The following NLGN1 variants were observed in gnomAD, a reference collection of about 807,000 sequenced individuals.
The protein encoded by NLGN1 is neuroligin 1, also known as neuroligin-1.
NLGN1 carries 12 observed loss-of-function variants against 65.5 expected under a neutral mutation model. The ratio of observed to expected loss-of-function variants is 0.18; its 90% CI spans 0.12 to 0.30. NLGN1 has a LOEUF of 0.30. Ranked by LOEUF, NLGN1 falls within the 10% of genes least tolerant of loss-of-function variation. The pLI, the probability that NLGN1 is intolerant of heterozygous loss-of-function variation, is 1.00. For synonymous variants in NLGN1, 350 were observed against 359.5 expected, an observed-to-expected ratio of 0.97 and a Z score of 0.30; for missense variants, 750 against 1,007.1, an observed-to-expected ratio of 0.74 and a Z score of 3.46.
At chr3:173,783,349 A>G (rs1227459517) in intron 3 of NLGN1, among the ~76,000 whole-genome samples, 2 of 152,220 alleles carry the variant, frequency 1.3e-5, no homozygotes, top group Non-Finnish European at 2.9e-5. Context: ...TTTTTGTAGC[A>G]GATACGCTAC....
At chr3:174,277,777 A>G (rs1750861081) in intron 5 of NLGN1, among the ~76,000 whole-genome samples, 1 of 151,922 alleles carries the variant, frequency 6.6e-6, no homozygotes, top group Non-Finnish European at 1.5e-5. Flanking sequence ...AGAAAAATCT[A>G]AAACTTTCCT....
At chr3:174,044,257 T>C (rs1037474829) in intron 4 of NLGN1, among the ~76,000 whole-genome samples, 1 of 152,182 alleles carries the variant, frequency 6.6e-6, no homozygotes, top group African/African-American at 2.4e-5. Context: ...CCCGGAGACA[T>C]TTTAACCATG....
intron 4 of NLGN1, among the ~76,000 whole-genome samples, chr3:174,094,092 C>A (rs1745013076): frequency 6.6e-6 from 1 of 152,026 alleles, no homozygotes; most frequent in East Asian, 1.9e-4. Context: ...ATAGTATAGA[C>A]TAGATTTAAA....
chr3:174,283,991 A>G (rs925465889), exon 7 of NLGN1: 5 of 151,510 alleles, frequency 3.3e-5, no homozygotes, highest in African/African-American at 1.2e-4. Context: ...ATTAAATAGT[A>G]TGTTTTAACG....
At chr3:174,055,663 C>T (rs1342072192) in intron 4 of NLGN1, among the ~76,000 whole-genome samples, 1 of 152,042 alleles carries the variant, frequency 6.6e-6, no homozygotes, top group Non-Finnish European at 1.5e-5. Flanking sequence ...GGCCCTGCTA[C>T]TGAAGCATAA....
chr3:173,705,212 C>T (rs1767874573), intron 3 of NLGN1, among the ~76,000 whole-genome samples: 1 of 151,870 alleles, frequency 6.6e-6, no homozygotes, highest in Non-Finnish European at 1.5e-5. Flanking sequence ...CATCCTGTGG[C>T]AAACCTGAAG....
intron 2 of NLGN1, among the ~76,000 whole-genome samples, chr3:173,489,893 G>A (rs1728818356): frequency 6.6e-6 from 1 of 152,128 alleles, no homozygotes; most frequent in African/African-American, 2.4e-5. Context: ...CTTTTGAGAA[G>A]TGTCTGTTCA....
intron 4 of NLGN1, among the ~76,000 whole-genome samples, chr3:173,936,665 T>A (rs1439519989): frequency 1.3e-5 from 2 of 152,086 alleles, no homozygotes; most frequent in African/African-American, 4.8e-5. Flanking sequence ...TTAATTACTG[T>A]ATTGATTCTA....
In NLGN1 at chr3:173,470,031, C is replaced by T. The variant is rs374331154; in HGVS notation, c.-321+34953C>T. On this transcript the variant is annotated intron_variant, in intron 2 of 6. Coordinates refer to ENST00000457714, the Ensembl canonical transcript of NLGN1. ...ATTTTCTGAAGCATTTGAGGGTGAC[C>T]CTCAGACATCTGTGTGGTCTGGACA... is the stretch of plus-strand genomic sequence containing the variant. Among the ~76,000 whole-genome samples the T allele has an allele frequency of 6.6e-5, 10 of 151,426 alleles. 1 individual carries two copies. The highest frequency in any genetic ancestry group is 2.4e-4 in the African/African-American group (10 of 41,322).
intron 4 of NLGN1, among the ~76,000 whole-genome samples, chr3:173,833,857 A>G (rs1441106738): frequency 6.6e-6 from 1 of 152,156 alleles, no homozygotes; most frequent in East Asian, 1.9e-4. Flanking sequence ...TTTGTTATAT[A>G]GTCAAATATA....
In NLGN1 at chr3:173,932,897, G is replaced by A. The variant is rs150641822; in HGVS notation, c.646+125065G>A. 3.9e-5 allele frequency among the ~76,000 whole-genome samples: 6 copies of A among 152,246 alleles called. No homozygotes were observed. The East Asian group carries it at 9.6e-4, about 24-fold the overall frequency. On this transcript the variant is annotated intron_variant, in intron 4 of 6. Transcript: ENST00000457714. The stretch of plus-strand genomic sequence containing the variant: ...TGCTGTATTATAGCTTAGCTCATGT[G>A]TAAGTGTAAGAATATCTGCCACAGT...
intron 4 of NLGN1, among the ~76,000 whole-genome samples, chr3:174,212,389 C>T (rs903065023): frequency 2.0e-5 from 3 of 152,220 alleles, no homozygotes; most frequent in Non-Finnish European, 4.4e-5. Context: ...GGAGTGGGCT[C>T]CAGCCTTGGC....
At chr3:173,730,031 G>A (rs979659697) in intron 3 of NLGN1, among the ~76,000 whole-genome samples, 1 of 150,980 alleles carries the variant, frequency 6.6e-6, no homozygotes, top group Non-Finnish European at 1.5e-5. Flanking sequence ...GCATTAATTC[G>A]AAATACAGAA....
rs375559171 is a variant in NLGN1, at chr3:173,807,858, C to T, written c.646+26C>T. The stretch of plus-strand genomic sequence containing the variant: ...GTAAGAAGAGTCTCTCTTTTGTTTT[C>T]ACCATGAATCCATGAAGTATGTGAT... On this transcript the variant is annotated intron_variant, in intron 4 of 6. Transcript: ENST00000457714. 66 of 1,601,288 alleles carry T rather than the reference C, an allele frequency of 4.1e-5. No individual in the cohort carries two copies. In the African/African-American group the frequency reaches 8.4e-4, roughly 20 times the overall value.
chr3:174,210,211 C>T (rs1428276107), intron 4 of NLGN1, among the ~76,000 whole-genome samples: 1 of 152,116 alleles, frequency 6.6e-6, no homozygotes, highest in Non-Finnish European at 1.5e-5. Context: ...TGTCATATCC[C>T]CTTGTTTGAA....
intron 4 of NLGN1, among the ~76,000 whole-genome samples, chr3:174,020,142 A>C (rs917516911): frequency 6.6e-6 from 1 of 152,102 alleles, no homozygotes; most frequent in African/African-American, 2.4e-5. Flanking sequence ...ATCCATCTGA[A>C]CCTTTCATTT....
chr3:174,043,833 T>A (rs1376643275), intron 4 of NLGN1, among the ~76,000 whole-genome samples: 3 of 152,232 alleles, frequency 2.0e-5, no homozygotes, highest in Non-Finnish European at 2.9e-5. Context: ...GTGGGGACGC[T>A]GTGTGGAGTC....
rs1304990895 is a variant in NLGN1 at position 173,605,104 on chromosome 3, C to A, written c.493+13C>A. ...CCGACTGAGGATGGTGAGTTTATTG[C>A]AGGAAAAACAGGGAGATATATTTAT... is the stretch of plus-strand genomic sequence containing the variant. On this transcript the variant is annotated intron_variant, in intron 3 of 6. Coordinates refer to ENST00000457714, the Ensembl canonical transcript of NLGN1. 1.3e-6 allele frequency: 2 copies of A among 1,567,140 alleles called. No homozygotes were observed. The highest frequency in any genetic ancestry group is 1.2e-5 in the South Asian group (1 of 83,590).
chr3:173,685,115 T>C (rs544268805), intron 3 of NLGN1, among the ~76,000 whole-genome samples: 10 of 152,292 alleles, frequency 6.6e-5, no homozygotes, highest in Admixed American at 5.2e-4. Context: ...TAATGGAAAC[T>C]CATTTAATAA....
Sources: gnomAD v4.1 joint callset for allele counts (sites outside exome capture counted in the v4.1 genomes callset) on GRCh38, gnomAD v4.1.1 for gene constraint, MANE v1.5 for transcripts, NCBI Gene and HGNC (gene_info 2026-07-23, HGNC 2026-07-21) for gene names.